ABLIM3: variants seen among roughly 807,000 people sequenced by gnomAD.
The protein encoded by ABLIM3 is actin binding LIM protein family member 3.
A neutral mutation model predicts 109.5 loss-of-function variants in ABLIM3; 61 were observed. The observed-to-expected ratio is 0.56, with a 90% CI of 0.45 to 0.69. The LOEUF (loss-of-function observed/expected upper bound fraction) is 0.69, where lower values mean the gene tolerates loss of function less well. Ranked by LOEUF, ABLIM3 falls within the 30% of genes least tolerant of loss-of-function variation. The pLI is 0.00. For missense variants in ABLIM3, 796 were observed against 889.5 expected (o/e 0.89, Z 1.34); for synonymous variants, 300 against 324.8 (o/e 0.92, Z 0.82).
At chr5:149,143,700 A>G (rs1050014493) in intron 2 of ABLIM3, among the ~76,000 whole-genome samples, 10 of 152,206 alleles carry the variant, frequency 6.6e-5, no homozygotes, top group Admixed American at 1.3e-4. Context: ...TTACAGCCAA[A>G]GAATTTTGCC....
rs373402850 is a variant in ABLIM3, at chr5:149,226,224, C to T, written c.758-4425C>T. Among the ~76,000 whole-genome samples the T allele has an allele frequency of 9.4e-4, 143 of 151,826 alleles. 5 individuals are homozygous for T. The South Asian group carries it at 0.024, about 26-fold the overall frequency. On this transcript the variant is annotated intron_variant, in intron 8 of 23. Coordinates refer to ENST00000309868, the MANE Select transcript of ABLIM3 (RefSeq NM_014945.5). ...TCCAGAGGCCAGGCGCAGTGGCTCA[C>T]ACCTGTAATCCCAGCAGTTTGAAGA...
chr5:149,227,320 T>G (rs1761407047), intron 8 of ABLIM3, among the ~76,000 whole-genome samples: 1 of 152,186 alleles, frequency 6.6e-6, no homozygotes, highest in Non-Finnish European at 1.5e-5. Flanking sequence ...TAGCTAATCC[T>G]TCACTTCCAT....
At chr5:149,249,492 G>GT (rs1468808652) in intron 18 of ABLIM3, among the ~76,000 whole-genome samples, 4 of 152,232 alleles carry the variant, frequency 2.6e-5, no homozygotes, top group African/African-American at 9.6e-5. Context: ...GAGGGCCACT[G>GT]TTTCCAAGCC....
At chr5:149,205,513 CT>C (rs1758885184) in intron 5 of ABLIM3, among the ~76,000 whole-genome samples, 2 of 152,110 alleles carry the variant, frequency 1.3e-5, no homozygotes, top group Non-Finnish European at 2.9e-5. Context: ...CCTTGGGTTC[CT>C]CTATACTGAG....
At chr5:149,211,036 A>G (rs1759496137) in intron 7 of ABLIM3, among the ~76,000 whole-genome samples, 1 of 152,234 alleles carries the variant, frequency 6.6e-6, no homozygotes, top group Non-Finnish European at 1.5e-5. Flanking sequence ...GGTTCAAAAA[A>G]TGCTGTGCTG....
chr5:149,145,612 A>G (rs1177049221), intron 2 of ABLIM3, among the ~76,000 whole-genome samples: 1 of 152,204 alleles, frequency 6.6e-6, no homozygotes, highest in African/African-American at 2.4e-5. Context: ...CCCATCAACA[A>G]TGTAAAAGCA....
At chr5:149,250,156 G>A (rs1325235831) in intron 19 of ABLIM3, among the ~76,000 whole-genome samples, 1 of 152,138 alleles carries the variant, frequency 6.6e-6, no homozygotes, top group Non-Finnish European at 1.5e-5. Flanking sequence ...GAGCCAGCCT[G>A]TGGCCAGGAC....
At chr5:149,207,478 T>C (rs1236010618) in intron 6 of ABLIM3, among the ~76,000 whole-genome samples, 9 of 152,158 alleles carry the variant, frequency 5.9e-5, no homozygotes, top group Admixed American at 4.6e-4. Context: ...GCTACCACCA[T>C]TGGTAATTAC....
At chr5:149,228,669 G>C (rs1403790549) in intron 8 of ABLIM3, among the ~76,000 whole-genome samples, 1 of 152,048 alleles carries the variant, frequency 6.6e-6, no homozygotes, top group Admixed American at 6.5e-5. Context: ...TAAGTTTATT[G>C]CTAGCTACCA....
intron 8 of ABLIM3, 76 bp from the exon 9 acceptor site, chr5:149,230,573 G>C (rs1298659961): frequency 2.0e-5 from 30 of 1,501,852 alleles, no homozygotes; most frequent in Admixed American, 1.2e-4. Context: ...ACCACGGAGT[G>C]AATCAAGGTG....
intron 3 of ABLIM3, among the ~76,000 whole-genome samples, chr5:149,187,644 G>A (rs1017794893): frequency 1.3e-5 from 2 of 151,960 alleles, no homozygotes; most frequent in Non-Finnish European, 2.9e-5. Flanking sequence ...TAACTTCCTC[G>A]TAAAGCAACA....
chr5:149,245,595 G>GTAGTGGCATGATCACATTGAAAA (rs773876483), intron 16 of ABLIM3, among the ~76,000 whole-genome samples: 2,935 of 152,230 alleles, frequency 0.019, 302 homozygotes, highest in Admixed American at 0.17. Flanking sequence ...CACATTGAAA[G>GTAGTGGCATGATCACATTGAAAA]TAGTGGCATG....
Position 149,200,317 on chromosome 5 carries a change from A to C in ABLIM3, c.337A>C (p.Lys113Gln). The change falls in exon 5 of 24, where the codon AAG becomes CAG. Residue 113 changes from lysine (K) to glutamine (Q), a missense_variant and splice_region_variant. Physicochemically the swap from Lys to Gln is moderately conservative, Grantham distance 53. Coordinates refer to ENST00000309868, the MANE Select transcript of ABLIM3 (RefSeq NM_014945.5). ...PKCFVCSLCR[K>Q]PFPIGDKVTF... ...ATTTCTCCCTCATCCCACTTGCAGGAAGCCTTTCCCCATTGGAGACAAGGT... is the reference window on the plus strand; with the variant it reads ...ATTTCTCCCTCATCCCACTTGCAGGCAGCCTTTCCCCATTGGAGACAAGGT... 1 of 1,614,134 alleles carries C rather than the reference A, an allele frequency of 6.2e-7. No individual in the cohort carries two copies. The highest frequency in any genetic ancestry group is 8.5e-7 in the Non-Finnish European group (1 of 1,179,962).
Position 149,258,406 on chromosome 5 carries a change from C to A in ABLIM3, c.*2C>A, listed in dbSNP as rs1248950109. 1.2e-6 allele frequency: 2 copies of A among 1,613,300 alleles called. No homozygotes were observed. Among genetic ancestry groups the A allele is most frequent in the Non-Finnish European group, 1.7e-6 (2 of 1,179,814 alleles). ...AAGAAGCAAGCCCGGCTGTTCTAGG[C>A]AGAGGCTCTATAAATATATATGCAT... is the stretch of plus-strand genomic sequence containing the variant. On this transcript the variant is annotated 3_prime_UTR_variant, in exon 24 of 24. Coordinates refer to ENST00000309868, the MANE Select transcript of ABLIM3 (RefSeq NM_014945.5).
At chr5:149,240,117 G>A (rs1752658266) in intron 13 of ABLIM3, among the ~76,000 whole-genome samples, 1 of 152,228 alleles carries the variant, frequency 6.6e-6, no homozygotes, top group Non-Finnish European at 1.5e-5. Context: ...GGTGGGTGGT[G>A]AACTTCCAGG....
intron 12 of ABLIM3, 125 bp downstream of exon 12, chr5:149,239,402 T>G: frequency 9.6e-7 from 1 of 1,042,804 alleles, no homozygotes; most frequent in Non-Finnish European, 1.5e-6. Flanking sequence ...AGCAGGGAAG[T>G]GCTGGAGAGA....
In ABLIM3 at chr5:149,251,346, G is replaced by C. The variant is rs757275141; in HGVS notation, c.1789-13G>C. ...CTTATCTCAGGCCAGCCGTGGTTCT[G>C]TCTCTTCTGCAGACACCCAGCGCAG... On this transcript the variant is annotated splice_polypyrimidine_tract_variant and intron_variant, in intron 20 of 23. Coordinates refer to ENST00000309868, the MANE Select transcript of ABLIM3 (RefSeq NM_014945.5). The C allele has an allele frequency of 5.0e-6, 8 of 1,613,910 alleles. No homozygotes were observed. The highest frequency in any genetic ancestry group is 1.6e-4 in the Middle Eastern group (1 of 6,084).
intron 2 of ABLIM3, among the ~76,000 whole-genome samples, chr5:149,163,141 C>T (rs1754528204): frequency 6.6e-6 from 1 of 152,154 alleles, no homozygotes; most frequent in Admixed American, 6.5e-5. Context: ...TTTTAAGTTG[C>T]CACTGGAGGT....
rs182806765 is a variant in ABLIM3, at chr5:149,247,542, C to G, written c.1552-240C>G. ...CAAGACAATGGGATCCTGTCACTGGCCAGGCTTGCTTTTTTGTGCCCACCA... is the reference window on the plus strand; with the variant it reads ...CAAGACAATGGGATCCTGTCACTGGGCAGGCTTGCTTTTTTGTGCCCACCA... On this transcript the variant is annotated intron_variant, in intron 17 of 23. Coordinates refer to ENST00000309868, the MANE Select transcript of ABLIM3 (RefSeq NM_014945.5). 2,174 of 675,110 alleles carry G rather than the reference C, an allele frequency of 3.2e-3. 5 individuals carry two copies. Among genetic ancestry groups the G allele is most frequent in the Non-Finnish European group, 5.1e-3 (1,884 of 368,832 alleles). The allele number at this position is 675,110 out of a possible 1,614,324, so 41.8% of individuals were successfully genotyped here. A position where few individuals can be genotyped will look rare whatever the true frequency, so the allele number is the denominator to read the frequency against.
Sources: gnomAD v4.1 joint callset for allele counts (sites outside exome capture counted in the v4.1 genomes callset) on GRCh38, gnomAD v4.1.1 for gene constraint, MANE v1.5 for transcripts, NCBI Gene and HGNC (gene_info 2026-07-23, HGNC 2026-07-21) for gene names.